TENM3: variants seen among roughly 807,000 people sequenced by gnomAD.
The protein encoded by TENM3 is teneurin transmembrane protein 3.
TENM3 carries 63 observed loss-of-function variants against 255.1 expected under a neutral mutation model. The observed-to-expected ratio is 0.25, with a 90% confidence interval of 0.20 to 0.30. The LOEUF is 0.30. TENM3 is among the 10% of genes least tolerant of loss of function. TENM3 has a pLI of 1.00. For synonymous variants in TENM3, 1,306 were observed against 1,322.3 expected, an observed-to-expected ratio of 0.99 and a Z score of 0.27; for missense variants, 2,929 against 3,461.1, an observed-to-expected ratio of 0.85 and a Z score of 3.86.
intron 6 of TENM3, among the ~76,000 whole-genome samples, chr4:182,654,512 A>G (rs971953827): frequency 1.2e-4 from 18 of 151,768 alleles, no homozygotes; most frequent in African/African-American, 4.4e-4. Context: ...AAATAGTTTT[A>G]TATTATTTCT....
chr4:182,592,125 CTTCTT>C (rs1746712325), intron 3 of TENM3, among the ~76,000 whole-genome samples: 1 of 119,974 alleles, frequency 8.3e-6, no homozygotes, highest in Non-Finnish European at 1.8e-5. Flanking sequence ...CCTTTCTTTT[CTTCTT>C]TTTTTTTTTT....
In TENM3 at chr4:182,507,180, A is replaced by G. The variant is rs1377221283; in HGVS notation, c.512-93744A>G. Among the ~76,000 whole-genome samples, 4 of 152,326 alleles carry G rather than the reference A, an allele frequency of 2.6e-5. No homozygotes were observed. The East Asian group carries it at 5.8e-4, about 22-fold the overall frequency. On this transcript the variant is annotated intron_variant, in intron 3 of 27. Coordinates refer to ENST00000511685, the MANE Select transcript of TENM3 (RefSeq NM_001080477.4). ...AAAGCACACTAAAATTAGATGAAGT[A>G]AAAGAAGCCCGAGTTATTCAAAATG...
At chr4:181,647,789 A>G in the TENM3 span, among the ~76,000 whole-genome samples, 1 of 152,148 alleles carries the variant, frequency 6.6e-6, no homozygotes, top group Non-Finnish European at 1.5e-5. Context: ...TTTTCTTGGT[A>G]GCGAAGAAAC....
the TENM3 span, among the ~76,000 whole-genome samples, chr4:182,133,898 C>T: frequency 6.6e-6 from 1 of 152,088 alleles, no homozygotes; most frequent in Admixed American, 6.5e-5. Flanking sequence ...TCAAACTTCC[C>T]TTTGAGTAAG....
At chr4:181,674,058 T>TA in the TENM3 span, among the ~76,000 whole-genome samples, 13 of 152,210 alleles carry the variant, frequency 8.5e-5, no homozygotes, top group Non-Finnish European at 1.8e-4. Flanking sequence ...TGCAGTGGCA[T>TA]AATCACAGCT....
chr4:182,641,675 G>T (rs1038884560), intron 5 of TENM3, among the ~76,000 whole-genome samples: 1 of 152,056 alleles, frequency 6.6e-6, no homozygotes, highest in African/African-American at 2.4e-5. Context: ...TTACAAGTGT[G>T]CTCCACACGC....
chr4:181,667,664 C>G, the TENM3 span, among the ~76,000 whole-genome samples: 4 of 152,198 alleles, frequency 2.6e-5, no homozygotes, highest in African/African-American at 9.7e-5. Context: ...AAGGCCCTCA[C>G]CAGTTGCCAG....
chr4:182,612,979 C>T (rs1487930147), intron 4 of TENM3, among the ~76,000 whole-genome samples: 6 of 152,226 alleles, frequency 3.9e-5, no homozygotes, highest in East Asian at 3.9e-4. Flanking sequence ...CTCTTACCGC[C>T]GGAAATTCTT....
At chr4:181,641,190 T>TTTA in the TENM3 span, among the ~76,000 whole-genome samples, 1 of 152,018 alleles carries the variant, frequency 6.6e-6, no homozygotes, top group Non-Finnish European at 1.5e-5. Flanking sequence ...TGTTACTTTT[T>TTTA]TTATTATTAT....
chr4:181,907,334 A>G, the TENM3 span, among the ~76,000 whole-genome samples: 1 of 152,212 alleles, frequency 6.6e-6, no homozygotes, highest in Non-Finnish European at 1.5e-5. Flanking sequence ...GTCCCTAGCC[A>G]GTCACTGCCA....
chr4:181,814,350 G>A, the TENM3 span, among the ~76,000 whole-genome samples: 1 of 152,072 alleles, frequency 6.6e-6, no homozygotes, highest in Admixed American at 6.6e-5. Flanking sequence ...AACCAGTATG[G>A]ACCAAAATCC....
the TENM3 span, among the ~76,000 whole-genome samples, chr4:181,713,321 A>T: frequency 6.6e-6 from 1 of 152,188 alleles, no homozygotes; most frequent in African/African-American, 2.4e-5. Flanking sequence ...GACCACGAAA[A>T]GGTTCTTTAC....
intron 3 of TENM3, among the ~76,000 whole-genome samples, chr4:182,505,160 T>C (rs922762113): frequency 6.6e-6 from 1 of 152,156 alleles, no homozygotes; most frequent in African/African-American, 2.4e-5. Context: ...ACAAGCCACA[T>C]TACAATGGTC....
the TENM3 span, among the ~76,000 whole-genome samples, chr4:181,954,321 T>C: frequency 6.6e-6 from 1 of 152,216 alleles, no homozygotes; most frequent in South Asian, 2.1e-4. Context: ...ATACTAAATA[T>C]ATGTTAATTT....
intron 4 of TENM3, among the ~76,000 whole-genome samples, chr4:182,620,886 G>C (rs942128913): frequency 1.4e-4 from 21 of 151,972 alleles, no homozygotes; most frequent in African/African-American, 5.1e-4. Flanking sequence ...ATGGCACCAT[G>C]CTAGGCTAAT....
At chr4:182,282,611 G>A (rs959957879) in intron 1 of TENM3, among the ~76,000 whole-genome samples, 5 of 151,998 alleles carry the variant, frequency 3.3e-5, no homozygotes, top group African/African-American at 1.2e-4. Context: ...TGGTTAAATG[G>A]GCCGGGCACA....
At chr4:182,603,457 T>C (rs1032556270) in intron 4 of TENM3, among the ~76,000 whole-genome samples, 8 of 152,074 alleles carry the variant, frequency 5.3e-5, no homozygotes, top group African/African-American at 1.9e-4. Context: ...CATCTTACAG[T>C]GTCGCTAATC....
At chr4:182,005,910 C>T in the TENM3 span, among the ~76,000 whole-genome samples, 1 of 152,248 alleles carries the variant, frequency 6.6e-6, no homozygotes, top group South Asian at 2.1e-4. Context: ...GATTTCTGCA[C>T]ATTGATTTTG....
intron 1 of TENM3, among the ~76,000 whole-genome samples, chr4:182,250,464 G>C (rs1463472816): frequency 6.6e-6 from 1 of 152,168 alleles, no homozygotes; most frequent in Non-Finnish European, 1.5e-5. Flanking sequence ...GAAAAGTTAA[G>C]TAACTTACCT....
Sources: allele counts gnomAD v4.1 joint callset (sites outside exome capture counted in the v4.1 genomes callset), GRCh38; gene constraint gnomAD v4.1.1; transcripts MANE v1.5; gene names NCBI Gene and HGNC (gene_info 2026-07-23, HGNC 2026-07-21).